Variants in SLC37A2 observed in about 807,000 individuals in gnomAD.
SLC37A2 encodes the protein solute carrier family 37 member 2.
In SLC37A2, 59 loss-of-function variants were observed where a neutral mutation model predicts 70.7. The observed-to-expected ratio is 0.83, with a 90% CI of 0.68 to 1.04. The LOEUF is 1.04. Among genes scored for constraint, SLC37A2 ranks in the 50% least tolerant of loss-of-function variants. SLC37A2 has a pLI of 0.00. For missense variants in SLC37A2, 580 were observed against 658.1 expected (o/e 0.88, Z 1.30); for synonymous variants, 257 against 262.1 (o/e 0.98, Z 0.19).
chr11:125,079,214 C>T lies in SLC37A2; in HGVS notation c.417C>T (p.Asn139=). ...TCTTTGGCCTGGGATATTTCTGGAACATCCACGAGCTCTGGTACTTTGTGG... is the reference window on the plus strand; with the variant it reads ...TCTTTGGCCTGGGATATTTCTGGAATATCCACGAGCTCTGGTACTTTGTGG... ...TSLFGLGYFW[N]IHELWYFVVI... Residue 139 remains asparagine, a synonymous_variant, in exon 5 of 18, where the codon AAC becomes AAT. Transcript: ENST00000403796. 6.2e-7 allele frequency: 1 copy of T among 1,614,194 alleles called. No individual in the cohort carries two copies. The highest frequency in any genetic ancestry group is 8.5e-7 in the Non-Finnish European group (1 of 1,180,026).
intron 10 of SLC37A2, among the ~76,000 whole-genome samples, chr11:125,082,919 T>C (rs1396676109): frequency 2.6e-5 from 4 of 152,154 alleles, no homozygotes; most frequent in African/African-American, 9.7e-5. Context: ...AAGAGCTCAT[T>C]TGAAAAAGGA....
At chr11:125,064,030 T>A (rs1428320481) in intron 1 of SLC37A2, among the ~76,000 whole-genome samples, 1 of 152,200 alleles carries the variant, frequency 6.6e-6, no homozygotes. Flanking sequence ...AGGGACCACA[T>A]GTTGGGCTGC....
intron 4 of SLC37A2, among the ~76,000 whole-genome samples, chr11:125,078,876 C>T (rs1239427210): frequency 1.3e-5 from 2 of 151,900 alleles, no homozygotes; most frequent in Non-Finnish European, 2.9e-5. Flanking sequence ...GAGGAAAACG[C>T]ACGACACGAG....
intron 17 of SLC37A2, 102 bp downstream of exon 17, chr11:125,086,120 C>G: frequency 8.5e-6 from 13 of 1,536,430 alleles, no homozygotes; most frequent in Non-Finnish European, 1.2e-5. Context: ...CTCGACCAGC[C>G]CAGACCTGAG....
chr11:125,074,725 C>G (rs926924237), intron 1 of SLC37A2, among the ~76,000 whole-genome samples: 2 of 152,158 alleles, frequency 1.3e-5, no homozygotes, highest in Non-Finnish European at 2.9e-5. Context: ...GAGGTGCAGT[C>G]TGGCTTCCTA....
rs548218562 is a variant in SLC37A2 at position 125,083,568 on chromosome 11, C to T, written c.977-247C>T. ...AGATCCCAGAGCTTGCCAGGGAGGG[C>T]TTGTTCTGAGAGGTGAAGGTCATCC... On this transcript the variant is annotated intron_variant, in intron 10 of 17. Transcript: ENST00000403796. This position sits in a 1 kb window ranked among gnomAD's most constrained non-coding sequence, Gnocchi z 4.6. The T allele has an allele frequency of 9.8e-5, 43 of 439,930 alleles. No individual in the cohort carries two copies. The highest frequency in any genetic ancestry group is 8.2e-4 in the African/African-American group (41 of 50,188). The allele number at this position is 439,930 out of a possible 1,614,324, so 27.3% of individuals were successfully genotyped here.
At chr11:125,076,734 G>T in intron 1 of SLC37A2, 23 bp from the exon 2 acceptor site, 1 of 1,612,966 alleles carries the variant, frequency 6.2e-7, no homozygotes, top group African/African-American at 1.3e-5. Flanking sequence ...TCCCACTAAC[G>T]CAGATGCTGT....
In SLC37A2 at chr11:125,074,977, G is replaced by A. The variant is rs555969453; in HGVS notation, c.60-1780G>A. Among the ~76,000 whole-genome samples, 31 of 152,306 alleles carry A rather than the reference G, an allele frequency of 2.0e-4. 1 individual carries two copies. The highest frequency in any genetic ancestry group is 7.2e-4 in the African/African-American group (30 of 41,566). On this transcript the variant is annotated intron_variant, in intron 1 of 17. Transcript: ENST00000403796. ...TTACCGGCAGTATAACCAGGGACCTGGGGACTGGGGGAGAGTCATGCTGTG... is the reference window on the plus strand; with the variant it reads ...TTACCGGCAGTATAACCAGGGACCTAGGGACTGGGGGAGAGTCATGCTGTG...
chr11:125,081,825 C>A lies in SLC37A2; in HGVS notation c.804C>A (p.Gly268=). The A allele has an allele frequency of 6.2e-7, 1 of 1,614,014 alleles. No homozygotes were observed. Among genetic ancestry groups the A allele is most frequent in the South Asian group, 1.1e-5 (1 of 91,076 alleles). The change falls in exon 9 of 18, where the codon GGC becomes GGA. Residue 268 remains glycine (G), a synonymous_variant. Transcript: ENST00000403796. The stretch of plus-strand genomic sequence containing the variant: ...GTCCCTGCTCTATCAGGGAGAGCGG[C>A]CTTGAGACTGTGGCCAAATGCTCCA... ...GNSPCSIRES[G]LETVAKCSKG...
intron 1 of SLC37A2, among the ~76,000 whole-genome samples, chr11:125,074,071 C>T (rs1197799789): frequency 6.6e-6 from 1 of 152,146 alleles, no homozygotes; most frequent in African/African-American, 2.4e-5. Flanking sequence ...TCAGTTTCAC[C>T]CTACAGATAC....
rs763179974 is a variant in SLC37A2, at chr11:125,081,474, C to T, written c.732+16C>T. 6.8e-6 allele frequency: 11 copies of T among 1,606,796 alleles called. No homozygotes were observed. The African/African-American group carries it at 1.5e-4, about 22-fold the overall frequency. ...TCAGCACCACGTGAGTGTGAGCCCT[C>T]CCAGCCCTATCCCTGCCCTCCAACT... On this transcript the variant is annotated intron_variant, in intron 8 of 17. Transcript: ENST00000403796.
chr11:125,075,142 G>A (rs760671165), intron 1 of SLC37A2, among the ~76,000 whole-genome samples: 12 of 152,326 alleles, frequency 7.9e-5, no homozygotes, highest in African/African-American at 2.6e-4. Context: ...AAAGCTTCCC[G>A]CCTCTCCCTG....
rs151326438 is a variant in SLC37A2 at position 125,085,845 on chromosome 11, G to A, written c.1426-109G>A. The A allele has an allele frequency of 8.5e-4, 1,080 of 1,272,954 alleles. 7 individuals carry two copies. The African/African-American group carries it at 0.014, about 16-fold the overall frequency. The allele number at this position is 1,272,954 out of a possible 1,614,324, so 78.9% of individuals were successfully genotyped here. A position where few individuals can be genotyped will look rare whatever the true frequency, so the allele number is the denominator to read the frequency against. On this transcript the variant is annotated intron_variant, in intron 16 of 17. Transcript: ENST00000403796. ...GAGTGACCCCTTGCCAAGTGGCAGC[G>A]TGTCTCTCCCCCTTCTCCACTGCCA...
chr11:125,079,869 C>A (rs780212603), intron 6 of SLC37A2, 109 bp downstream of exon 6: 1 of 820,336 alleles, frequency 1.2e-6, no homozygotes, highest in Non-Finnish European at 2.0e-6. Flanking sequence ...AGAAAGCGGC[C>A]TCCACGTTGC....
chr11:125,075,709 G>A (rs373896515), intron 1 of SLC37A2, among the ~76,000 whole-genome samples: 2 of 152,366 alleles, frequency 1.3e-5, no homozygotes, highest in South Asian at 2.1e-4. Context: ...AAGTGGTAGT[G>A]GGTGTTGCTT....
chr11:125,079,336 T>A, intron 5 of SLC37A2, 89 bp downstream of exon 5: 4 of 1,526,858 alleles, frequency 2.6e-6, no homozygotes, highest in Non-Finnish European at 3.6e-6. Flanking sequence ...GGAGCCTGTG[T>A]TCCTGGCTCC....
In SLC37A2 at chr11:125,089,089, G is replaced by C. The variant is rs1162353989; in HGVS notation, c.*955G>C. ...GCAGCTGCTGCAGATGTGGTCACCT[G>C]GTGCCATCTGCTGCTCCCTTTTCCA... On this transcript the variant is annotated 3_prime_UTR_variant, in exon 18 of 18. Transcript: ENST00000403796. 1 of 152,262 alleles carries C rather than the reference G, an allele frequency of 6.6e-6. No individual in the cohort carries two copies. The highest frequency in any genetic ancestry group is 1.9e-4 in the East Asian group (1 of 5,198). The allele number at this position is 152,262 out of a possible 1,614,324, so 9.4% of individuals were successfully genotyped here. A position where few individuals can be genotyped will look rare whatever the true frequency, so the allele number is the denominator to read the frequency against.
At position 125,066,065 on chromosome 11, in the gene SLC37A2, G is replaced by A. The variant is rs115358256; in HGVS notation, c.59+2639G>A. On this transcript the variant is annotated intron_variant, in intron 1 of 17. Coordinates refer to ENST00000403796, the MANE Select transcript of SLC37A2 (RefSeq NM_001145290.2). Reference sequence around the variant, plus strand: ...CCTGTGTGATTAATTCTGTCCCGCTGAATCTTGGGTTAGCAATCTCAAAAA... The same window carrying A: ...CCTGTGTGATTAATTCTGTCCCGCTAAATCTTGGGTTAGCAATCTCAAAAA... Among the ~76,000 whole-genome samples, 573 of 152,316 alleles carry A rather than the reference G, an allele frequency of 3.8e-3. 4 individuals carry two copies. Among genetic ancestry groups the A allele is most frequent in the African/African-American group, 0.013 (547 of 41,564 alleles).
In SLC37A2 at chr11:125,085,148, G is replaced by A. The variant is rs1171959408; in HGVS notation, c.1248+9G>A. The A allele has an allele frequency of 9.9e-6, 16 of 1,613,148 alleles. No individual in the cohort carries two copies. Among genetic ancestry groups the A allele is most frequent in the Non-Finnish European group, 1.3e-5 (15 of 1,179,568 alleles). On this transcript the variant is annotated intron_variant, in intron 14 of 17. Transcript: ENST00000403796. ...CTGTCTCTGCTGATCTGGTGAGTGG[G>A]GCCACCTCCCGAGGGCCAGGGACCG...
Sources: gnomAD v4.1 joint callset for allele counts (sites outside exome capture counted in the v4.1 genomes callset) on GRCh38, gnomAD v4.1.1 for gene constraint, Gnocchi (gnomAD v3.1) non-coding constraint, MANE v1.5 for transcripts, NCBI Gene and HGNC (gene_info 2026-07-23, HGNC 2026-07-21) for gene names.